Variants in ARID1B observed in about 807,000 individuals in gnomAD.
ARID1B encodes AT-rich interactive domain-containing protein 1B.
A neutral mutation model predicts 212.3 loss-of-function variants in ARID1B; 30 were observed. The observed-to-expected ratio is 0.14, with a 90% CI of 0.11 to 0.19. ARID1B has a LOEUF of 0.19. Among genes scored for constraint, ARID1B ranks in the 10% least tolerant of loss-of-function variants. The pLI is 1.00. For missense variants in ARID1B, 2,891 were observed against 3,204.0 expected (o/e 0.90, Z 2.36); for synonymous variants, 1,402 against 1,301.7 (o/e 1.08, Z -1.66).
intron 4 of ARID1B, among the ~76,000 whole-genome samples, chr6:157,044,724 A>G (rs1287736127): frequency 2.0e-5 from 3 of 152,186 alleles, no homozygotes; most frequent in Non-Finnish European, 4.4e-5. Context: ...TGTGCTATCC[A>G]GTGTGGCAGC....
rs1393281563 is a variant in ARID1B, at chr6:156,778,196, T to C, written c.516T>C (p.His172=). The change falls in exon 1 of 20, where the codon CAT becomes CAC. Residue 172 remains histidine (H), a synonymous_variant. Transcript: ENST00000636930. The stretch of plus-strand genomic sequence containing the variant: ...ACCAGCAGCACCACCACCACCACCA[T>C]GCCCACCACCACCACCACCATGCCC... ...PPHQQHHHHH[H]AHHHHHHAHH... 6.5e-7 allele frequency: 1 copy of C among 1,535,340 alleles called. No homozygotes were observed. Among genetic ancestry groups the C allele is most frequent in the Non-Finnish European group, 8.7e-7 (1 of 1,143,664 alleles).
chr6:156,949,730 C>CAGGA (rs1793438556), intron 4 of ARID1B, among the ~76,000 whole-genome samples: 1 of 152,188 alleles, frequency 6.6e-6, no homozygotes, highest in African/African-American at 2.4e-5. Flanking sequence ...TCATGTTCCT[C>CAGGA]AGTTTTATAT....
intron 2 of ARID1B, among the ~76,000 whole-genome samples, chr6:156,842,491 T>G (rs1562427830): frequency 1.3e-5 from 2 of 152,244 alleles, no homozygotes; most frequent in East Asian, 3.8e-4. Context: ...TGCATCACAT[T>G]TTGTTTATCC....
intron 2 of ARID1B, chr6:156,829,870 C>T (rs1783022625): frequency 6.5e-6 from 1 of 152,738 alleles, no homozygotes; most frequent in African/African-American, 2.4e-5. Flanking sequence ...TTTAGTCTCC[C>T]AAAGTTATTT....
At chr6:157,068,122 T>C (rs185560733) in intron 4 of ARID1B, among the ~76,000 whole-genome samples, 31 of 152,380 alleles carry the variant, frequency 2.0e-4, no homozygotes, top group African/African-American at 7.2e-4. Flanking sequence ...GGTTCTCTTA[T>C]CTTTCACTCG....
In ARID1B at chr6:157,210,603, G is replaced by A. The variant is rs1794706537; in HGVS notation, c.*2712G>A. The A allele has an allele frequency of 4.4e-6, 1 of 229,484 alleles. No individual in the cohort carries two copies. The highest frequency in any genetic ancestry group is 1.8e-4 in the South Asian group (1 of 5,446). 14.2% of individuals were successfully genotyped at this position (229,484 alleles called of 1,614,324 possible). On this transcript the variant is annotated 3_prime_UTR_variant, in exon 20 of 20. Transcript: ENST00000636930. The stretch of plus-strand genomic sequence containing the variant: ...TTTACAGCCTGCTTGAGATCATCTT[G>A]CCTATAAACTGAGTTATTGCTTTGT...
chr6:157,083,041 G>A (rs542811634), intron 4 of ARID1B, among the ~76,000 whole-genome samples: 1 of 152,088 alleles, frequency 6.6e-6, no homozygotes, highest in Non-Finnish European at 1.5e-5. Context: ...GCTTTGTGAC[G>A]TTTCAGGAAA....
At chr6:156,896,974 G>T (rs894233878) in intron 2 of ARID1B, among the ~76,000 whole-genome samples, 1 of 152,180 alleles carries the variant, frequency 6.6e-6, no homozygotes, top group Non-Finnish European at 1.5e-5. Flanking sequence ...AAAGTTCAGG[G>T]TATGGTGAAA....
At chr6:156,813,071 TACACACATACGTATGTATATACATAC>T (rs1781706028) in intron 1 of ARID1B, among the ~76,000 whole-genome samples, 1 of 96,416 alleles carries the variant, frequency 1.0e-5, no homozygotes, top group African/African-American at 3.4e-5. Flanking sequence ...CATATATATA[TACACACATACGTATGTATATACATAC>T]ATATATATAT....
At chr6:157,077,343 A>AC in intron 4 of ARID1B, among the ~76,000 whole-genome samples, 1 of 152,088 alleles carries the variant, frequency 6.6e-6, no homozygotes, top group South Asian at 2.1e-4. Flanking sequence ...ATTAAGACTC[A>AC]CTTTCTGGAC....
intron 2 of ARID1B, among the ~76,000 whole-genome samples, chr6:156,894,488 G>C (rs1788229706): frequency 6.6e-6 from 1 of 152,146 alleles, no homozygotes; most frequent in Admixed American, 6.5e-5. Context: ...GTATATTTTA[G>C]CACAATTAAA....
chr6:156,812,322 A>C (rs961709092), intron 1 of ARID1B, among the ~76,000 whole-genome samples: 1 of 151,954 alleles, frequency 6.6e-6, no homozygotes, highest in Non-Finnish European at 1.5e-5. Context: ...TGGTTTTGCT[A>C]TGTTGCCCAG....
intron 15 of ARID1B, among the ~76,000 whole-genome samples, chr6:157,193,044 C>T (rs980153640): frequency 6.6e-6 from 1 of 152,186 alleles, no homozygotes; most frequent in Admixed American, 6.5e-5. Flanking sequence ...CCTGCCTGTT[C>T]ACCGGCCTGC....
At chr6:156,856,358 C>A (rs569515452) in intron 2 of ARID1B, among the ~76,000 whole-genome samples, 13 of 152,164 alleles carry the variant, frequency 8.5e-5, no homozygotes, top group Admixed American at 2.0e-4. Context: ...AAACCTCCCA[C>A]TGTGTGCCAT....
chr6:156,998,102 T>G (rs924194444), intron 4 of ARID1B, among the ~76,000 whole-genome samples: 7 of 152,184 alleles, frequency 4.6e-5, no homozygotes, highest in Admixed American at 2.6e-4. Flanking sequence ...CATCTGTGCT[T>G]CTTGGTATGG....
At chr6:157,022,046 AT>A (rs2128476794) in intron 4 of ARID1B, among the ~76,000 whole-genome samples, 1 of 152,332 alleles carries the variant, frequency 6.6e-6, no homozygotes, top group African/African-American at 2.4e-5. Flanking sequence ...CGTTCGCGTA[AT>A]TAAAACGAGT....
chr6:156,875,841 G>C (rs747321614), intron 2 of ARID1B, among the ~76,000 whole-genome samples: 1 of 152,160 alleles, frequency 6.6e-6, no homozygotes, highest in Non-Finnish European at 1.5e-5. Context: ...CTACGTTTTG[G>C]CTAACAAATG....
chr6:157,091,356 G>A (rs969946375), intron 5 of ARID1B, among the ~76,000 whole-genome samples: 1 of 152,152 alleles, frequency 6.6e-6, no homozygotes, highest in South Asian at 2.1e-4. Flanking sequence ...GAGCTCTTCT[G>A]TGTGAGTGCT....
At position 157,148,467 on chromosome 6, in the gene ARID1B, T is replaced by C. The variant is rs1789959024; in HGVS notation, c.2762-157T>C. ...CCTGGGAGTGTGCAGAGAGAGCATGTTTGAGACTGGCAGCTGCACCAGCAG... is the reference window on the plus strand; with the variant it reads ...CCTGGGAGTGTGCAGAGAGAGCATGCTTGAGACTGGCAGCTGCACCAGCAG... On this transcript the variant is annotated intron_variant, in intron 7 of 19. Transcript: ENST00000636930. This position sits in a 1 kb window ranked among gnomAD's most constrained non-coding sequence, Gnocchi z 5.6. Among the ~76,000 whole-genome samples, 1 of 152,180 alleles carries C rather than the reference T, an allele frequency of 6.6e-6. No individual in the cohort carries two copies. The highest frequency in any genetic ancestry group is 1.9e-4 in the East Asian group (1 of 5,200).
Sources: gnomAD v4.1 joint callset for allele counts (sites outside exome capture counted in the v4.1 genomes callset) on GRCh38, gnomAD v4.1.1 for gene constraint, Gnocchi (gnomAD v3.1) non-coding constraint, MANE v1.5 for transcripts, NCBI Gene and HGNC (gene_info 2026-07-23, HGNC 2026-07-21) for gene names.